CTNNA3: variants seen among roughly 807,000 people sequenced by gnomAD.
CTNNA3 encodes the protein catenin alpha-3.
CTNNA3 carries 76 observed loss-of-function variants against 95.7 expected under a neutral mutation model. The ratio of observed to expected loss-of-function variants is 0.79; its 90% confidence interval spans 0.66 to 0.96. The LOEUF (loss-of-function observed/expected upper bound fraction) is 0.96, where lower values mean the gene tolerates loss of function less well. Ranked by LOEUF, CTNNA3 falls within the 40% of genes least tolerant of loss-of-function variation. CTNNA3 has a pLI of 0.00. For missense variants in CTNNA3, 1,191 were observed against 1,089.8 expected, an observed-to-expected ratio of 1.09 and a Z score of -1.31; for synonymous variants, 431 against 374.4, an observed-to-expected ratio of 1.15 and a Z score of -1.74.
chr10:66,221,174 T>A (rs141078848), intron 13 of CTNNA3, among the ~76,000 whole-genome samples: 54 of 152,322 alleles, frequency 3.5e-4, no homozygotes, highest in Non-Finnish European at 4.0e-4. Flanking sequence ...AAGGATTGCA[T>A]AGAACTGATG....
intron 14 of CTNNA3, among the ~76,000 whole-genome samples, chr10:66,080,158 A>G (rs1026793836): frequency 1.3e-5 from 2 of 152,056 alleles, no homozygotes; most frequent in Non-Finnish European, 2.9e-5. Context: ...TTACTCAAGA[A>G]CTTCATAAAT....
chr10:66,659,782 C>G (rs1234260823), intron 9 of CTNNA3, among the ~76,000 whole-genome samples: 1 of 152,078 alleles, frequency 6.6e-6, no homozygotes, highest in Non-Finnish European at 1.5e-5. Context: ...CACCAGACAT[C>G]AAATCTGCCC....
chr10:66,087,120 C>T (rs1429396513), intron 14 of CTNNA3, among the ~76,000 whole-genome samples: 1 of 151,988 alleles, frequency 6.6e-6, no homozygotes. Context: ...ACCTTATCTA[C>T]ATAATAAAAG....
chr10:67,281,884 T>C (rs747731555), intron 5 of CTNNA3, among the ~76,000 whole-genome samples: 3 of 152,146 alleles, frequency 2.0e-5, no homozygotes, highest in Non-Finnish European at 2.9e-5. Flanking sequence ...GAAAAGATCC[T>C]TGGATTATGC....
intron 12 of CTNNA3, among the ~76,000 whole-genome samples, chr10:66,292,510 T>C (rs1230776578): frequency 6.6e-6 from 1 of 151,782 alleles, no homozygotes; most frequent in Non-Finnish European, 1.5e-5. Context: ...TGGAAAAGTT[T>C]GCTTCTCAAA....
chr10:66,384,776 G>C (rs997261761), intron 11 of CTNNA3, among the ~76,000 whole-genome samples: 8 of 152,104 alleles, frequency 5.3e-5, no homozygotes, highest in Non-Finnish European at 1.2e-4. Context: ...TAGAACTCAG[G>C]ATTAAGAAAC....
chr10:66,530,049 A>G (rs1239700762), intron 10 of CTNNA3, among the ~76,000 whole-genome samples: 1 of 152,176 alleles, frequency 6.6e-6, no homozygotes, highest in African/African-American at 2.4e-5. Flanking sequence ...AAAGATTTCT[A>G]AAAACAATTA....
In CTNNA3 at chr10:65,922,645, CT is replaced by C. The variant is rs531109109; in HGVS notation, c.2401-2029del. On this transcript the variant is annotated intron_variant, in intron 17 of 17. Transcript: ENST00000433211. Reference sequence around the variant, plus strand: ...ATAAATACAATCCTGATTAACCAAACTTTTTTTTCTTATTCTCCAATAAAAT... The same window carrying C: ...ATAAATACAATCCTGATTAACCAAACTTTTTTTCTTATTCTCCAATAAAAT... Among the ~76,000 whole-genome samples, 19 of 152,146 alleles carry C rather than the reference CT, an allele frequency of 1.2e-4. No individual in the cohort carries two copies. The East Asian group carries it at 1.9e-3, about 15-fold the overall frequency.
intron 13 of CTNNA3, among the ~76,000 whole-genome samples, chr10:66,197,250 T>C (rs2087019825): frequency 6.6e-6 from 1 of 152,208 alleles, no homozygotes; most frequent in Admixed American, 6.5e-5. Flanking sequence ...AAAAGAGATC[T>C]GTTTATGAGT....
intron 12 of CTNNA3, among the ~76,000 whole-genome samples, chr10:66,349,685 CAA>C (rs1356972390): frequency 6.6e-6 from 1 of 151,914 alleles, no homozygotes; most frequent in African/African-American, 2.4e-5. Context: ...GAAAAATACC[CAA>C]AGAGATTCAA....
At chr10:67,434,026 A>G (rs1351040865) in intron 5 of CTNNA3, among the ~76,000 whole-genome samples, 1 of 152,048 alleles carries the variant, frequency 6.6e-6, no homozygotes, top group East Asian at 1.9e-4. Flanking sequence ...ATACACTTTT[A>G]TAATTTTGAC....
intron 3 of CTNNA3, among the ~76,000 whole-genome samples, chr10:67,599,260 G>A (rs889493221): frequency 7.9e-5 from 12 of 152,222 alleles, no homozygotes; most frequent in East Asian, 1.9e-4. Context: ...AAAAGAATCC[G>A]AAACATCTCT....
At chr10:66,018,725 C>T (rs546235534) in intron 15 of CTNNA3, among the ~76,000 whole-genome samples, 9 of 151,980 alleles carry the variant, frequency 5.9e-5, no homozygotes, top group Non-Finnish European at 1.3e-4. Flanking sequence ...ATTATCTTTT[C>T]TATCTGTAAA....
intron 7 of CTNNA3, among the ~76,000 whole-genome samples, chr10:66,942,753 A>G (rs770443296): frequency 1.4e-4 from 22 of 152,142 alleles, no homozygotes; most frequent in Non-Finnish European, 3.2e-4. Flanking sequence ...ATTACAGTAA[A>G]CCAAAATGGT....
rs369177550 is a variant in CTNNA3 at position 66,471,913 on chromosome 10, C to A, written c.1531+48704G>T. The stretch of plus-strand genomic sequence containing the variant: ...ATTGGTTGCTGAAAATGCTCATACA[C>A]TCAATTTGAAAATATTCCAAATCTT... On this transcript the variant is annotated intron_variant, in intron 11 of 17. Coordinates refer to ENST00000433211, the MANE Select transcript of CTNNA3 (RefSeq NM_013266.4). 5.3e-5 allele frequency among the ~76,000 whole-genome samples: 8 copies of A among 152,078 alleles called. No homozygotes were observed. The East Asian group carries it at 9.7e-4, about 18-fold the overall frequency.
At position 67,579,880 on chromosome 10, in the gene CTNNA3, C is replaced by T. The variant is rs572987098; in HGVS notation, c.292+26977G>A. ...TTGAGAAGTGTCTGTTCATATCCTT[C>T]GCCCATTTTTTGATGGGGTTGTTTG... On this transcript the variant is annotated intron_variant, in intron 3 of 17. Coordinates refer to ENST00000433211, the MANE Select transcript of CTNNA3 (RefSeq NM_013266.4). Among the ~76,000 whole-genome samples the T allele has an allele frequency of 9.9e-4, 151 of 152,248 alleles. 1 individual carries two copies. The highest frequency in any genetic ancestry group is 5.8e-3 in the South Asian group (28 of 4,810).
intron 15 of CTNNA3, among the ~76,000 whole-genome samples, chr10:66,027,993 G>A (rs2079374750): frequency 6.6e-6 from 1 of 152,172 alleles, no homozygotes; most frequent in South Asian, 2.1e-4. Flanking sequence ...CTCATTCTTT[G>A]TCAAGTGAGA....
At chr10:67,437,949 G>A (rs952766085) in intron 5 of CTNNA3, among the ~76,000 whole-genome samples, 5 of 151,154 alleles carry the variant, frequency 3.3e-5, no homozygotes, top group Non-Finnish European at 5.9e-5. Context: ...TTATAAAAAT[G>A]GTAGAATTTT....
intron 13 of CTNNA3, among the ~76,000 whole-genome samples, chr10:66,163,320 A>G (rs1444824709): frequency 2.0e-5 from 3 of 151,704 alleles, no homozygotes; most frequent in Non-Finnish European, 2.9e-5. Context: ...CACCCTCCCA[A>G]TGGATCTCTG....
Sources: gnomAD v4.1 joint callset for allele counts (sites outside exome capture counted in the v4.1 genomes callset) on GRCh38, gnomAD v4.1.1 for gene constraint, MANE v1.5 for transcripts, NCBI Gene and HGNC (gene_info 2026-07-23, HGNC 2026-07-21) for gene names.